FKTN: variants seen among roughly 807,000 people sequenced by gnomAD.
FKTN encodes the protein ribitol-5-phosphate transferase FKTN.
In FKTN, 47 loss-of-function variants were observed where a neutral mutation model predicts 58.6. That is an observed-to-expected ratio of 0.80 (90% confidence interval 0.63 to 1.02). The LOEUF is 1.02. Among genes scored for constraint, FKTN ranks in the 50% least tolerant of loss-of-function variants. FKTN has a pLI of 0.00. For missense variants in FKTN, 516 were observed against 537.3 expected (o/e 0.96, Z 0.39); for synonymous variants, 178 against 191.9 (o/e 0.93, Z 0.60).
At chr9:105,567,615 C>G (rs1418863064) in intron 1 of FKTN, among the ~76,000 whole-genome samples, 1 of 152,166 alleles carries the variant, frequency 6.6e-6, no homozygotes, top group African/African-American at 2.4e-5. Context: ...AGGAGAAGTA[C>G]AAACCACTGC....
chr9:105,572,855 T>G (rs1840985680), intron 1 of FKTN, among the ~76,000 whole-genome samples: 1 of 152,214 alleles, frequency 6.6e-6, no homozygotes, highest in Non-Finnish European at 1.5e-5. Context: ...AGAGTTTTCT[T>G]GTATACCAGA....
chr9:105,592,844 T>C (rs1845147594), intron 3 of FKTN, among the ~76,000 whole-genome samples: 1 of 152,190 alleles, frequency 6.6e-6, no homozygotes, highest in African/African-American at 2.4e-5. Context: ...TCCATATCAC[T>C]ATAAGCATCT....
chr9:105,631,688 C>A (rs888684942), intron 10 of FKTN, among the ~76,000 whole-genome samples: 1 of 150,970 alleles, frequency 6.6e-6, no homozygotes, highest in Non-Finnish European at 1.5e-5. Context: ...CACTGGCCAT[C>A]AGAGAAATGC....
At chr9:105,568,869 G>A (rs1840197812) in intron 1 of FKTN, among the ~76,000 whole-genome samples, 1 of 152,158 alleles carries the variant, frequency 6.6e-6, no homozygotes. Flanking sequence ...ATTCACAATA[G>A]CAAAGACCTG....
chr9:105,626,195 T>C (rs1054215457), intron 10 of FKTN, among the ~76,000 whole-genome samples: 1 of 152,214 alleles, frequency 6.6e-6, no homozygotes, highest in Non-Finnish European at 1.5e-5. Flanking sequence ...GTAGTGAACA[T>C]TTCTGTACGT....
chr9:105,604,093 T>A, intron 5 of FKTN, 122 bp from the exon 6 acceptor site: 1 of 988,450 alleles, frequency 1.0e-6, no homozygotes, highest in South Asian at 1.3e-5. Flanking sequence ...CAGAGCAGAT[T>A]AGCACAAAAA....
chr9:105,640,643 C>A lies in FKTN; in HGVS notation c.*5379C>A, dbSNP rs969436186. 1 of 152,064 alleles carries A rather than the reference C, an allele frequency of 6.6e-6. No individual in the cohort carries two copies. The highest frequency in any genetic ancestry group is 1.5e-5 in the Non-Finnish European group (1 of 68,076). The allele number at this position is 152,064 out of a possible 1,614,324, so 9.4% of individuals were successfully genotyped here. ...TACCCCCTGGCACCTTCTAACCCAA[C>A]CTAATACAGAGATTTTGTAGGGACC... is the stretch of plus-strand genomic sequence containing the variant. On this transcript the variant is annotated 3_prime_UTR_variant, in exon 11 of 11. Transcript: ENST00000357998.
intron 3 of FKTN, among the ~76,000 whole-genome samples, chr9:105,575,990 G>C (rs1050494997): frequency 6.6e-6 from 1 of 152,036 alleles, no homozygotes; most frequent in Non-Finnish European, 1.5e-5. Context: ...AAAATGTATG[G>C]AGCAGACCAA....
intron 10 of FKTN, chr9:105,624,185 T>C (rs1832432517): frequency 6.6e-6 from 1 of 152,234 alleles, no homozygotes; most frequent in Non-Finnish European, 1.5e-5. Flanking sequence ...GTTTGCTATA[T>C]CATACTGAGT....
intron 3 of FKTN, among the ~76,000 whole-genome samples, chr9:105,595,515 T>G (rs1564270244): frequency 6.6e-6 from 1 of 152,218 alleles, no homozygotes; most frequent in Non-Finnish European, 1.5e-5. Context: ...AGTTGTTTTT[T>G]TCTCAGACAT....
intron 3 of FKTN, among the ~76,000 whole-genome samples, chr9:105,583,904 T>C (rs1230035888): frequency 2.6e-5 from 4 of 152,194 alleles, no homozygotes; most frequent in African/African-American, 9.6e-5. Flanking sequence ...TAACCAATTG[T>C]CCCAATATCC....
chr9:105,586,016 TAAG>T (rs370418635), intron 3 of FKTN, among the ~76,000 whole-genome samples: 4 of 152,146 alleles, frequency 2.6e-5, no homozygotes, highest in African/African-American at 7.2e-5. Flanking sequence ...AGCACCATGG[TAAG>T]AAGGACTGCA....
chr9:105,593,999 A>C (rs1358807076), intron 3 of FKTN, among the ~76,000 whole-genome samples: 1 of 152,130 alleles, frequency 6.6e-6, no homozygotes, highest in East Asian at 1.9e-4. Context: ...AGAGGAGTTG[A>C]GAAGTTTTTG....
In FKTN at chr9:105,615,317, CG is replaced by C. The variant is rs1564318798; in HGVS notation, c.822del (p.Lys275ArgfsTer9). 1 of 1,613,716 alleles carries C rather than the reference CG, an allele frequency of 6.2e-7. No individual in the cohort carries two copies. Among genetic ancestry groups the C allele is most frequent in the South Asian group, 1.1e-5 (1 of 91,088 alleles). On this transcript the variant is annotated frameshift_variant, in exon 8 of 11. Coordinates refer to ENST00000357998, the MANE Select transcript of FKTN (RefSeq NM_001079802.2). LOFTEE classifies it high-confidence loss of function. ...DDNTVEAVAFRKSAKELLQLA... is the reference protein window; with the variant it reads ...DDNTVEAVAFXKSAKELLQLA... The stretch of plus-strand genomic sequence containing the variant: ...TAACACTGTGGAAGCTGTGGCCTTT[CG>C]GAAGAGTGCAAAGGAATTACTGCAA...
chr9:105,591,527 G>A (rs374096838), intron 3 of FKTN, among the ~76,000 whole-genome samples: 13 of 152,280 alleles, frequency 8.5e-5, no homozygotes, highest in African/African-American at 2.9e-4. Flanking sequence ...CAGGGCACAC[G>A]GGGGTGGGCT....
At chr9:105,562,157 GT>G (rs1386104116) in intron 1 of FKTN, among the ~76,000 whole-genome samples, 1 of 152,262 alleles carries the variant, frequency 6.6e-6, no homozygotes, top group Non-Finnish European at 1.5e-5. Context: ...AACGAAACCA[GT>G]TCACTGAGAC....
At chr9:105,624,906 G>A (rs1832565726) in intron 10 of FKTN, among the ~76,000 whole-genome samples, 1 of 152,086 alleles carries the variant, frequency 6.6e-6, no homozygotes, top group Non-Finnish European at 1.5e-5. Context: ...CTATTTTTTT[G>A]TGTCATATAA....
intron 1 of FKTN, among the ~76,000 whole-genome samples, chr9:105,564,631 A>G (rs1839015337): frequency 6.6e-6 from 1 of 152,228 alleles, no homozygotes; most frequent in Admixed American, 6.5e-5. Context: ...AAAGCCTCCA[A>G]GAAATATGGG....
Position 105,638,089 on chromosome 9 carries a change from C to T in FKTN, c.*2825C>T. The T allele has an allele frequency of 7.2e-6, 7 of 972,692 alleles. No homozygotes were observed. Among genetic ancestry groups the T allele is most frequent in the Non-Finnish European group, 8.6e-6 (7 of 818,378 alleles). 60.3% of individuals were successfully genotyped at this position (972,692 alleles called of 1,614,324 possible). ...TAATGTAATATTCTTTTTAAACCCT[C>T]TTATTTTATAACTAAATAAATAATC... On this transcript the variant is annotated 3_prime_UTR_variant, in exon 11 of 11. Coordinates refer to ENST00000357998, the MANE Select transcript of FKTN (RefSeq NM_001079802.2).
Sources: gnomAD v4.1 joint callset for allele counts (sites outside exome capture counted in the v4.1 genomes callset) on GRCh38, gnomAD v4.1.1 for gene constraint, MANE v1.5 for transcripts, NCBI Gene and HGNC (gene_info 2026-07-23, HGNC 2026-07-21) for gene names.